RALY: variants seen among roughly 807,000 people sequenced by gnomAD.
RALY encodes RALY heterogeneous nuclear ribonucleoprotein.
A neutral mutation model predicts 30.7 loss-of-function variants in RALY; 15 were observed. The ratio of observed to expected loss-of-function variants is 0.49; its 90% CI spans 0.33 to 0.75. The LOEUF (loss-of-function observed/expected upper bound fraction) is 0.75, where lower values mean the gene tolerates loss of function less well. Among genes scored for constraint, RALY ranks in the 30% least tolerant of loss-of-function variants. RALY has a pLI of 0.02. For synonymous variants in RALY, 177 were observed against 170.8 expected, an observed-to-expected ratio of 1.04 and a Z score of -0.28; for missense variants, 339 against 414.3, an observed-to-expected ratio of 0.82 and a Z score of 1.58.
At chr20:34,042,757 G>A (rs2123139994) in intron 2 of RALY, among the ~76,000 whole-genome samples, 1 of 152,302 alleles carries the variant, frequency 6.6e-6, no homozygotes, top group East Asian at 1.9e-4. Context: ...TATTTTATCT[G>A]CGTATTAAAG....
intron 1 of RALY, among the ~76,000 whole-genome samples, chr20:33,996,791 C>T (rs933474171): frequency 6.6e-6 from 1 of 152,170 alleles, no homozygotes; most frequent in African/African-American, 2.4e-5. Flanking sequence ...TCCCCCTTCC[C>T]TCCTCCCTCC....
chr20:34,061,878 A>T (rs943969676), intron 2 of RALY, among the ~76,000 whole-genome samples: 1 of 152,182 alleles, frequency 6.6e-6, no homozygotes, highest in Non-Finnish European at 1.5e-5. Context: ...GTTCCACATG[A>T]GGGCTCCCTT....
chr20:34,020,449 A>G (rs775482787), intron 1 of RALY, among the ~76,000 whole-genome samples: 17 of 152,204 alleles, frequency 1.1e-4, no homozygotes, highest in Admixed American at 2.0e-4. Context: ...TGCAGTGTGC[A>G]GGAAAAGGAT....
chr20:34,062,529 T>C (rs773042418), intron 2 of RALY, among the ~76,000 whole-genome samples: 12 of 152,230 alleles, frequency 7.9e-5, no homozygotes, highest in African/African-American at 2.9e-4. Flanking sequence ...AACACTCTTA[T>C]TCCATTCCTA....
rs767270174 is a variant in RALY, at chr20:34,002,514, CAT to C, written c.-93+8388_-93+8389del. Among the ~76,000 whole-genome samples, 64 of 152,360 alleles carry C rather than the reference CAT, an allele frequency of 4.2e-4. 1 individual carries two copies. Among genetic ancestry groups the C allele is most frequent in the Middle Eastern group, 6.8e-3 (2 of 294 alleles). On this transcript the variant is annotated intron_variant, in intron 1 of 9. Transcript: ENST00000246194. Reference sequence around the variant, plus strand: ...GCAAATCCAGCCTGCCGCCCTGGCTCATATATTTGGATTGAGGGTTCAAACGG... The same window carrying C: ...GCAAATCCAGCCTGCCGCCCTGGCTCATATTTGGATTGAGGGTTCAAACGG...
chr20:34,071,941 A>G, intron 2 of RALY, 125 bp from the exon 3 acceptor site: 2 of 1,072,778 alleles, frequency 1.9e-6, no homozygotes, highest in Non-Finnish European at 2.7e-6. Context: ...ATGCAGGAAC[A>G]GGTAGGCTGG....
At chr20:34,071,106 C>T (rs2033713741) in intron 2 of RALY, among the ~76,000 whole-genome samples, 1 of 152,122 alleles carries the variant, frequency 6.6e-6, no homozygotes, top group Admixed American at 6.5e-5. Flanking sequence ...TGATTTCAGT[C>T]ACCATGATCC....
intron 8 of RALY, chr20:34,077,504 A>C: frequency 1.5e-6 from 1 of 650,930 alleles, no homozygotes; most frequent in African/African-American, 1.8e-5. Context: ...CGGTTTCCAC[A>C]TGAGTTGGAG....
intron 2 of RALY, among the ~76,000 whole-genome samples, chr20:34,068,390 G>T (rs2033637535): frequency 6.6e-6 from 1 of 152,350 alleles, no homozygotes; most frequent in Middle Eastern, 3.4e-3. Context: ...GTGGAAGTGG[G>T]TGTTTGGTTG....
At chr20:34,038,792 G>C (rs1281928898) in intron 2 of RALY, among the ~76,000 whole-genome samples, 4 of 152,138 alleles carry the variant, frequency 2.6e-5, no homozygotes, top group Non-Finnish European at 4.4e-5. Flanking sequence ...ATACAAAATG[G>C]GAATAATAAT....
chr20:34,069,467 C>T (rs1277714091), intron 2 of RALY, among the ~76,000 whole-genome samples: 1 of 152,180 alleles, frequency 6.6e-6, no homozygotes, highest in Non-Finnish European at 1.5e-5. Flanking sequence ...TCTCTATCCA[C>T]ACCCCAGGCT....
intron 1 of RALY, among the ~76,000 whole-genome samples, chr20:34,030,137 G>A (rs777563294): frequency 1.2e-4 from 19 of 152,282 alleles, no homozygotes; most frequent in Non-Finnish European, 2.2e-4. Context: ...TAGAACAAGA[G>A]AACATGTTTC....
Position 34,007,128 on chromosome 20 carries a change from G to A in RALY, c.-93+12997G>A, listed in dbSNP as rs149440546. Among the ~76,000 whole-genome samples the A allele has an allele frequency of 5.9e-3, 905 of 152,278 alleles. 4 individuals carry two copies. The highest frequency in any genetic ancestry group is 0.037 in the Middle Eastern group (11 of 294). ...GTAAGAAAACAGACTGAGAGAGGTCGGGTGGCTTGTCCAAGGCCCCGCCTG... is the reference window on the plus strand; with the variant it reads ...GTAAGAAAACAGACTGAGAGAGGTCAGGTGGCTTGTCCAAGGCCCCGCCTG... On this transcript the variant is annotated intron_variant, in intron 1 of 9. Coordinates refer to ENST00000246194, the MANE Select transcript of RALY (RefSeq NM_016732.3).
At position 34,000,059 on chromosome 20, in the gene RALY, T is replaced by C. The variant is rs191505723; in HGVS notation, c.-93+5928T>C. ...AGATAGCAAGGTTTTCACTTGAGTGTCTTGGTCTTATTCAATTTTGGCTTC... is the reference window on the plus strand; with the variant it reads ...AGATAGCAAGGTTTTCACTTGAGTGCCTTGGTCTTATTCAATTTTGGCTTC... On this transcript the variant is annotated intron_variant, in intron 1 of 9. Transcript: ENST00000246194. Among the ~76,000 whole-genome samples the C allele has an allele frequency of 2.8e-3, 430 of 152,252 alleles. 1 individual carries two copies. The highest frequency in any genetic ancestry group is 9.3e-3 in the African/African-American group (388 of 41,540).
Position 34,075,991 on chromosome 20 carries a change from G to A in RALY, c.495G>A (p.Lys165=). 1 of 1,614,200 alleles carries A rather than the reference G, an allele frequency of 6.2e-7. No individual in the cohort carries two copies. Among genetic ancestry groups the A allele is most frequent in the Non-Finnish European group, 8.5e-7 (1 of 1,180,028 alleles). ...VRRVKTNVPV[K]LFARSTAVTT... ...GTGTCAAAACTAACGTACCTGTCAAGCTCTTTGCCCGCTCCACAGCTGTCA... is the reference window on the plus strand; with the variant it reads ...GTGTCAAAACTAACGTACCTGTCAAACTCTTTGCCCGCTCCACAGCTGTCA... Residue 165 remains lysine (K), a synonymous_variant, in exon 6 of 10, where the codon AAG becomes AAA. Coordinates refer to ENST00000246194, the MANE Select transcript of RALY (RefSeq NM_016732.3).
At chr20:34,075,790 C>A in intron 5 of RALY, 84 bp from the exon 6 acceptor site, 1 of 1,438,588 alleles carries the variant, frequency 7.0e-7, no homozygotes, top group Non-Finnish European at 9.4e-7. Flanking sequence ...CCCTCACCAG[C>A]CACACACGTT....
intron 1 of RALY, among the ~76,000 whole-genome samples, chr20:34,015,284 C>T (rs2031559831): frequency 6.6e-6 from 1 of 152,062 alleles, no homozygotes; most frequent in Non-Finnish European, 1.5e-5. Flanking sequence ...TTCTTCCTAC[C>T]TCTTTTGTCC....
chr20:34,071,916 T>A, intron 2 of RALY, 150 bp from the exon 3 acceptor site: 5 of 883,340 alleles, frequency 5.7e-6, no homozygotes, highest in Non-Finnish European at 1.7e-6. Flanking sequence ...CTTGGTAATA[T>A]GACAAGAAAA....
At chr20:34,004,751 AAG>A (rs981279108) in intron 1 of RALY, among the ~76,000 whole-genome samples, 1 of 152,238 alleles carries the variant, frequency 6.6e-6, no homozygotes, top group African/African-American at 2.4e-5. Flanking sequence ...AGTATATCAA[AAG>A]AGAGTTTTTC....
Sources: gnomAD v4.1 joint callset for allele counts (sites outside exome capture counted in the v4.1 genomes callset) on GRCh38, gnomAD v4.1.1 for gene constraint, MANE v1.5 for transcripts, NCBI Gene and HGNC (gene_info 2026-07-23, HGNC 2026-07-21) for gene names.